EFNA5: variants seen among roughly 807,000 people sequenced by gnomAD.
EFNA5 encodes the protein ephrin-A5.
Under a neutral mutation model 22.9 loss-of-function variants are expected in EFNA5, and 5 were observed. The observed-to-expected ratio is 0.22, with a 90% confidence interval of 0.11 to 0.46. The LOEUF is 0.46. Ranked by LOEUF, EFNA5 falls within the 20% of genes least tolerant of loss-of-function variation. The pLI is 0.99. For missense variants in EFNA5, 237 were observed against 293.3 expected (o/e 0.81, Z 1.40); for synonymous variants, 113 against 112.2 (o/e 1.01, Z -0.04).
intron 1 of EFNA5, among the ~76,000 whole-genome samples, chr5:107,576,989 A>G (rs572482934): frequency 6.6e-6 from 1 of 152,278 alleles, no homozygotes; most frequent in East Asian, 1.9e-4. Context: ...TTGCCCACCT[A>G]TCTCAGCTTT....
At chr5:107,656,134 G>A (rs540534047) in intron 1 of EFNA5, among the ~76,000 whole-genome samples, 4 of 152,312 alleles carry the variant, frequency 2.6e-5, no homozygotes, top group African/African-American at 9.6e-5. Flanking sequence ...TCTCCTTTGA[G>A]ATGGAGATAT....
chr5:107,423,856 G>A (rs1748737032), intron 2 of EFNA5, among the ~76,000 whole-genome samples: 1 of 152,054 alleles, frequency 6.6e-6, no homozygotes, highest in African/African-American at 2.4e-5. Context: ...TAAAATAAAG[G>A]GACTAGAACT....
chr5:107,533,150 A>C (rs572654421), intron 1 of EFNA5, among the ~76,000 whole-genome samples: 14 of 152,222 alleles, frequency 9.2e-5, no homozygotes, highest in African/African-American at 3.4e-4. Context: ...GATGACAGGG[A>C]TGTCCATTAC....
intron 1 of EFNA5, among the ~76,000 whole-genome samples, chr5:107,515,343 C>T (rs1747453655): frequency 6.8e-6 from 1 of 146,376 alleles, no homozygotes; most frequent in African/African-American, 2.5e-5. Context: ...AGCATCAAGA[C>T]ATGGTTTTTA....
intron 1 of EFNA5, among the ~76,000 whole-genome samples, chr5:107,560,279 C>A (rs1429477741): frequency 6.6e-6 from 1 of 152,140 alleles, no homozygotes; most frequent in Non-Finnish European, 1.5e-5. Context: ...TTAAAAGCAA[C>A]AGGCCAATTA....
intron 2 of EFNA5, among the ~76,000 whole-genome samples, chr5:107,394,605 G>C (rs1561367344): frequency 1.3e-5 from 2 of 152,146 alleles, no homozygotes; most frequent in Non-Finnish European, 2.9e-5. Flanking sequence ...ACACACAAAA[G>C]AGAAATGGGA....
intron 2 of EFNA5, among the ~76,000 whole-genome samples, chr5:107,389,070 T>TA (rs1264591170): frequency 1.3e-5 from 2 of 152,212 alleles, no homozygotes; most frequent in African/African-American, 4.8e-5. Context: ...CCAGTGTCCC[T>TA]ATTCAACACC....
At chr5:107,505,603 A>T (rs993233998) in intron 1 of EFNA5, among the ~76,000 whole-genome samples, 1 of 152,194 alleles carries the variant, frequency 6.6e-6, no homozygotes, top group Non-Finnish European at 1.5e-5. Context: ...TCACTAAGAG[A>T]TATCATTAGA....
At chr5:107,640,378 A>T (rs1432510378) in intron 1 of EFNA5, among the ~76,000 whole-genome samples, 1 of 152,262 alleles carries the variant, frequency 6.6e-6, no homozygotes, top group African/African-American at 2.4e-5. Flanking sequence ...AGCTAAGCAT[A>T]TGAGAAAAGC....
chr5:107,464,148 C>T (rs1000308559), intron 1 of EFNA5, among the ~76,000 whole-genome samples: 5 of 152,244 alleles, frequency 3.3e-5, no homozygotes, highest in African/African-American at 9.6e-5. Flanking sequence ...GCACACCCTG[C>T]CCCTAACCTC....
intron 1 of EFNA5, among the ~76,000 whole-genome samples, chr5:107,608,191 T>C (rs1383171157): frequency 6.6e-6 from 1 of 152,204 alleles, no homozygotes; most frequent in African/African-American, 2.4e-5. Flanking sequence ...CTTCAAAAGC[T>C]AAATGACAGA....
At chr5:107,480,727 C>A (rs566456001) in intron 1 of EFNA5, among the ~76,000 whole-genome samples, 2 of 152,120 alleles carry the variant, frequency 1.3e-5, no homozygotes, top group Non-Finnish European at 2.9e-5. Context: ...CCAGGGAAAA[C>A]AGATACAAGA....
At chr5:107,497,606 T>A (rs1175256665) in intron 1 of EFNA5, among the ~76,000 whole-genome samples, 1 of 150,918 alleles carries the variant, frequency 6.6e-6, no homozygotes, top group Admixed American at 6.5e-5. Context: ...TAGGGAGCGC[T>A]GGAAAATCTT....
chr5:107,546,543 T>C (rs1001926632), intron 1 of EFNA5, among the ~76,000 whole-genome samples: 3 of 152,132 alleles, frequency 2.0e-5, no homozygotes, highest in African/African-American at 4.8e-5. Flanking sequence ...ACTTTATTCA[T>C]CGTAGTATTA....
chr5:107,578,580 C>T (rs1016228809), intron 1 of EFNA5, among the ~76,000 whole-genome samples: 2 of 148,464 alleles, frequency 1.3e-5, no homozygotes, highest in African/African-American at 5.1e-5. Context: ...TAAAAGAATA[C>T]CAGAAAAAAT....
At chr5:107,662,137 T>C (rs1406599061) in intron 1 of EFNA5, among the ~76,000 whole-genome samples, 1 of 152,212 alleles carries the variant, frequency 6.6e-6, no homozygotes, top group African/African-American at 2.4e-5. Flanking sequence ...GTCTTCTCAC[T>C]AGCCAAAGAA....
chr5:107,523,377 T>C (rs576925941), intron 1 of EFNA5, among the ~76,000 whole-genome samples: 2 of 152,318 alleles, frequency 1.3e-5, no homozygotes, highest in African/African-American at 4.8e-5. Context: ...CTGTGTTTAA[T>C]GTTTTTGGTG....
intron 1 of EFNA5, among the ~76,000 whole-genome samples, chr5:107,431,040 C>T (rs1193819736): frequency 1.3e-5 from 2 of 152,142 alleles, no homozygotes; most frequent in Non-Finnish European, 2.9e-5. Context: ...TCCCGAAGTG[C>T]TGGGATTACA....
intron 1 of EFNA5, among the ~76,000 whole-genome samples, chr5:107,473,350 A>T (rs1377787151): frequency 6.8e-6 from 1 of 146,880 alleles, no homozygotes; most frequent in Non-Finnish European, 1.5e-5. Flanking sequence ...CTCCTTGTTG[A>T]TATCATTCTT....
Sources: allele counts gnomAD v4.1 joint callset (sites outside exome capture counted in the v4.1 genomes callset), GRCh38; gene constraint gnomAD v4.1.1; transcripts MANE v1.5; gene names NCBI Gene and HGNC (gene_info 2026-07-23, HGNC 2026-07-21).